The following MYO5C variants were observed in gnomAD, a reference collection of about 807,000 sequenced individuals.
MYO5C encodes myosin VC, also known as unconventional myosin-Vc.
In MYO5C, 194 loss-of-function variants were observed where a neutral mutation model predicts 235.7. The observed-to-expected ratio is 0.82, with a 90% CI of 0.73 to 0.93. The LOEUF (loss-of-function observed/expected upper bound fraction) is 0.93, where lower values mean the gene tolerates loss of function less well. Among genes scored for constraint, MYO5C ranks in the 40% least tolerant of loss-of-function variants. The probability of loss-of-function intolerance (pLI) is 0.00; values close to 1 mark genes in which losing one functional copy is unlikely to be tolerated. For missense variants in MYO5C, 2,038 were observed against 2,127.2 expected, an observed-to-expected ratio of 0.96 and a Z score of 0.82; for synonymous variants, 707 against 754.8, an observed-to-expected ratio of 0.94 and a Z score of 1.04.
intron 1 of MYO5C, among the ~76,000 whole-genome samples, chr15:52,285,862 C>G (rs1172470737): frequency 6.6e-6 from 1 of 152,180 alleles, no homozygotes; most frequent in Non-Finnish European, 1.5e-5. Flanking sequence ...CCCAAAGTGC[C>G]GAGATTGCAG....
intron 36 of MYO5C, among the ~76,000 whole-genome samples, chr15:52,206,588 G>A (rs865886455): frequency 2.0e-5 from 3 of 152,252 alleles, no homozygotes; most frequent in Non-Finnish European, 2.9e-5. Context: ...CCTGACCCAT[G>A]CACCCAGGAA....
intron 38 of MYO5C, among the ~76,000 whole-genome samples, chr15:52,204,330 T>C (rs909732614): frequency 1.3e-5 from 2 of 151,860 alleles, no homozygotes; most frequent in African/African-American, 4.8e-5. Flanking sequence ...TTCTCCTGCT[T>C]GGAACGTTCT....
In MYO5C at chr15:52,279,516, G is replaced by A. The variant is rs768513572; in HGVS notation, c.297C>T (p.Thr99=). 2 of 1,612,458 alleles carry A rather than the reference G, an allele frequency of 1.2e-6. No individual in the cohort carries two copies. Among genetic ancestry groups the A allele is most frequent in the South Asian group, 2.2e-5 (2 of 91,040 alleles). ...TAGAATTGCTCTCCTTACCACTGTA[G>A]GTGTAAATGAGTTTGGATTCTGCAA... ...IRFAESKLIY[T]YSGIILVAMN... Residue 99 remains threonine (T), a synonymous_variant, in exon 3 of 41, where the codon ACC becomes ACT. Transcript: ENST00000261839.
At chr15:52,222,497 G>C (rs896042782) in intron 29 of MYO5C, among the ~76,000 whole-genome samples, 3 of 152,098 alleles carry the variant, frequency 2.0e-5, no homozygotes, top group Non-Finnish European at 4.4e-5. Flanking sequence ...AGAGAACAAG[G>C]CAGAGAGGGC....
chr15:52,259,330 G>C (rs1480447151), intron 10 of MYO5C, among the ~76,000 whole-genome samples: 1 of 149,204 alleles, frequency 6.7e-6, no homozygotes, highest in Non-Finnish European at 1.5e-5. Flanking sequence ...TGAGACAGGA[G>C]AATCGCTTGA....
Position 52,244,419 on chromosome 15 carries a change from A to G in MYO5C, c.2327T>C (p.Phe776Ser), listed in dbSNP as rs781336520. ...HMRGWLQRKK[F>S]LRERRAALII... is the part of the protein sequence containing the mutation. ...CAGGGCGGCTCGTCTCTCTCGGAGG[A>G]ATTTTTTCCTCTGGAGCCAGCCACG... is the stretch of plus-strand genomic sequence containing the variant. Residue 776 changes from phenylalanine to serine, a missense_variant, in exon 19 of 41, where the codon TTC becomes TCC. Phe to Ser is a radical substitution (Grantham distance 155). Transcript: ENST00000261839. 6.2e-7 allele frequency: 1 copy of G among 1,613,976 alleles called. No homozygotes were observed. Among genetic ancestry groups the G allele is most frequent in the Non-Finnish European group, 8.5e-7 (1 of 1,179,996 alleles).
rs1270735411 is a variant in MYO5C at position 52,279,645 on chromosome 15, A to G, written c.168T>C (p.Ser56=). ...TGTCAGGATTCCGAAGTGGAGGCAGAGATTCTGGATTGACAGAATAATCCA... is the reference window on the plus strand; with the variant it reads ...TGTCAGGATTCCGAAGTGGAGGCAGGGATTCTGGATTGACAGAATAATCCA... ...TELDYSVNPE[S]LPPLRNPDIL... Residue 56 remains serine (S), a synonymous_variant, in exon 3 of 41, where the codon TCT becomes TCC. Coordinates refer to ENST00000261839, the MANE Select transcript of MYO5C (RefSeq NM_018728.4). 1 of 1,613,432 alleles carries G rather than the reference A, an allele frequency of 6.2e-7. No individual in the cohort carries two copies. Among genetic ancestry groups the G allele is most frequent in the East Asian group, 2.2e-5 (1 of 44,878 alleles).
In MYO5C at chr15:52,204,854, C is replaced by T. The variant is rs755370088; in HGVS notation, c.4820+11G>A. ...GGCCTCTCCGCGTGAGCGGAGGTTT[C>T]TGGGTTTTACCTGATCTGCATCCCT... On this transcript the variant is annotated intron_variant, in intron 38 of 40. Coordinates refer to ENST00000261839, the MANE Select transcript of MYO5C (RefSeq NM_018728.4). 6.2e-7 allele frequency: 1 copy of T among 1,612,268 alleles called. No individual in the cohort carries two copies. The highest frequency in any genetic ancestry group is 1.1e-5 in the South Asian group (1 of 91,032).
intron 29 of MYO5C, 73 bp from the exon 30 acceptor site, chr15:52,221,328 CTG>C (rs2035680394): frequency 9.2e-7 from 1 of 1,085,572 alleles, no homozygotes; most frequent in Non-Finnish European, 1.3e-6. Context: ...TAGAAGCAAA[CTG>C]AACTATCTTG....
chr15:52,217,794 C>T (rs74015635), intron 32 of MYO5C, among the ~76,000 whole-genome samples: 5,988 of 152,236 alleles, frequency 0.039, 129 homozygotes, highest in Middle Eastern at 0.055. Flanking sequence ...GAGAAGGGTA[C>T]GTGGGCATGT....
intron 3 of MYO5C, among the ~76,000 whole-genome samples, 168 bp from the exon 4 acceptor site, chr15:52,279,185 G>C (rs1004933210): frequency 1.6e-4 from 25 of 151,890 alleles, no homozygotes; most frequent in Non-Finnish European, 3.5e-4. Context: ...CTACACCCTC[G>C]GGCTGTTCTG....
chr15:52,193,880 A>T lies in MYO5C; in HGVS notation c.*22T>A. On this transcript the variant is annotated 3_prime_UTR_variant, in exon 41 of 41. Transcript: ENST00000261839. ...ACCTTCACTTAGCTTTTGAAGAAAAAGTGCATTGACTTTTTCTCCTGCTAT... is the reference window on the plus strand; with the variant it reads ...ACCTTCACTTAGCTTTTGAAGAAAATGTGCATTGACTTTTTCTCCTGCTAT... The T allele has an allele frequency of 6.3e-7, 1 of 1,595,956 alleles. No individual in the cohort carries two copies. The highest frequency in any genetic ancestry group is 8.5e-7 in the Non-Finnish European group (1 of 1,174,896).
chr15:52,209,949 TTTA>T (rs1220601870), intron 35 of MYO5C, among the ~76,000 whole-genome samples: 1 of 151,992 alleles, frequency 6.6e-6, no homozygotes, highest in African/African-American at 2.4e-5. Flanking sequence ...CTTCCTAGAG[TTTA>T]TTAATTAATT....
chr15:52,194,572 A>G (rs1017250261), intron 40 of MYO5C, among the ~76,000 whole-genome samples: 7 of 152,184 alleles, frequency 4.6e-5, no homozygotes, highest in African/African-American at 1.7e-4. Context: ...CATATTAGTA[A>G]TTAAAATGAT....
intron 24 of MYO5C, among the ~76,000 whole-genome samples, chr15:52,231,525 G>A (rs2035950008): frequency 6.6e-6 from 1 of 152,132 alleles, no homozygotes; most frequent in Admixed American, 6.5e-5. Flanking sequence ...ATTTTTCTAG[G>A]TAAATGAGTT....
intron 23 of MYO5C, among the ~76,000 whole-genome samples, chr15:52,233,227 C>T (rs375184197): frequency 0.17 from 2,639 of 15,608 alleles, 981 homozygotes; most frequent in Non-Finnish European, 0.68. Flanking sequence ...TGCAGTGAGC[C>T]GAGATCCCGC....
intron 29 of MYO5C, 130 bp from the exon 30 acceptor site, chr15:52,221,385 C>T (rs993280230): frequency 8.6e-5 from 53 of 615,636 alleles, no homozygotes; most frequent in South Asian, 3.3e-4. Flanking sequence ...GAGCTAGCCA[C>T]GACATTAGAC....
Position 52,261,143 on chromosome 15 carries a change from C to A in MYO5C, c.1048-16G>T. On this transcript the variant is annotated splice_polypyrimidine_tract_variant and intron_variant, in intron 9 of 40. Coordinates refer to ENST00000261839, the MANE Select transcript of MYO5C (RefSeq NM_018728.4). ...TGTCATCCTCCTTCAAAAACAAGCA[C>A]AAGCCCCGTCAGGTGGCCCAGCCAT... The A allele has an allele frequency of 6.2e-7, 1 of 1,610,980 alleles. No homozygotes were observed. Among genetic ancestry groups the A allele is most frequent in the Non-Finnish European group, 8.5e-7 (1 of 1,178,422 alleles).
chr15:52,249,390 T>G (rs569592929), intron 13 of MYO5C, among the ~76,000 whole-genome samples: 1 of 152,308 alleles, frequency 6.6e-6, no homozygotes, highest in African/African-American at 2.4e-5. Flanking sequence ...TGCTTCAACA[T>G]TCAACCTCCC....
Sources: allele counts gnomAD v4.1 joint callset (sites outside exome capture counted in the v4.1 genomes callset), GRCh38; gene constraint gnomAD v4.1.1; transcripts MANE v1.5; gene names NCBI Gene and HGNC (gene_info 2026-07-23, HGNC 2026-07-21).